The following LRRC4C variants were observed in gnomAD, a reference collection of about 807,000 sequenced individuals.
LRRC4C encodes the protein leucine-rich repeat-containing protein 4C.
In LRRC4C, 5 loss-of-function variants were observed where a neutral mutation model predicts 33.6. That is an observed-to-expected ratio of 0.15 (90% CI 0.08 to 0.31). The LOEUF is 0.31. Among genes scored for constraint, LRRC4C ranks in the 10% least tolerant of loss-of-function variants. The pLI is 1.00. For synonymous variants in LRRC4C, 329 were observed against 302.0 expected (o/e 1.09, Z -0.93); for missense variants, 560 against 796.7 (o/e 0.70, Z 3.58).
intron 1 of LRRC4C, among the ~76,000 whole-genome samples, chr11:40,978,195 G>A (rs1409143709): frequency 3.3e-5 from 5 of 151,968 alleles, no homozygotes; most frequent in South Asian, 2.1e-4. Context: ...ACAATTCACC[G>A]GCTCACATTT....
chr11:40,508,736 T>C (rs1235781932), intron 3 of LRRC4C, among the ~76,000 whole-genome samples: 1 of 152,166 alleles, frequency 6.6e-6, no homozygotes, highest in Non-Finnish European at 1.5e-5. Context: ...GATGATTGGT[T>C]CCACTGTCTT....
intron 1 of LRRC4C, among the ~76,000 whole-genome samples, chr11:41,214,652 A>T (rs1946967670): frequency 1.4e-5 from 2 of 147,000 alleles, no homozygotes; most frequent in Admixed American, 1.4e-4. Flanking sequence ...CGGCAGGCTG[A>T]GGCAGGAGAA....
At position 41,327,428 on chromosome 11, in the gene LRRC4C, C is replaced by G. The variant is rs117853828; in HGVS notation, c.-496+132003G>C. On this transcript the variant is annotated intron_variant, in intron 1 of 6. Coordinates refer to ENST00000528697, the MANE Select transcript of LRRC4C (RefSeq NM_001258419.2). ...TGATTTATTTTTGTTTTATCCTTTACCATTTGTTTTTCTTTTCATCAATGA... is the reference window on the plus strand; with the variant it reads ...TGATTTATTTTTGTTTTATCCTTTAGCATTTGTTTTTCTTTTCATCAATGA... Among the ~76,000 whole-genome samples, 333 of 152,270 alleles carry G rather than the reference C, an allele frequency of 2.2e-3. 1 individual carries two copies. The highest frequency in any genetic ancestry group is 3.9e-3 in the Non-Finnish European group (268 of 68,020).
intron 3 of LRRC4C, among the ~76,000 whole-genome samples, chr11:40,514,731 T>G (rs1310502955): frequency 6.6e-6 from 1 of 152,066 alleles, no homozygotes; most frequent in East Asian, 1.9e-4. Context: ...CTCCCCACTT[T>G]CTTCTATCTC....
chr11:40,810,332 C>T (rs562814706), intron 2 of LRRC4C, among the ~76,000 whole-genome samples: 3 of 152,160 alleles, frequency 2.0e-5, no homozygotes, highest in Non-Finnish European at 4.4e-5. Context: ...TCTCAGTTGC[C>T]TTGGTTATCT....
At chr11:40,271,507 AT>A (rs1485250689) in intron 4 of LRRC4C, among the ~76,000 whole-genome samples, 1 of 152,222 alleles carries the variant, frequency 6.6e-6, no homozygotes, top group Non-Finnish European at 1.5e-5. Context: ...AGCATACCAC[AT>A]AGCAGACATT....
At chr11:41,147,080 T>C (rs899805909) in intron 1 of LRRC4C, among the ~76,000 whole-genome samples, 1 of 152,210 alleles carries the variant, frequency 6.6e-6, no homozygotes, top group Non-Finnish European at 1.5e-5. Flanking sequence ...TTTTAGAAAG[T>C]AGTGAGTATT....
At chr11:40,631,542 A>G (rs1963480308) in intron 3 of LRRC4C, among the ~76,000 whole-genome samples, 1 of 152,106 alleles carries the variant, frequency 6.6e-6, no homozygotes, top group Middle Eastern at 3.2e-3. Context: ...TCTTTACCCC[A>G]ATACTTCATC....
At chr11:40,519,406 A>G (rs561018478) in intron 3 of LRRC4C, among the ~76,000 whole-genome samples, 42 of 152,308 alleles carry the variant, frequency 2.8e-4, no homozygotes, top group African/African-American at 9.9e-4. Flanking sequence ...ATAAGTTTAA[A>G]TAAACTTTAC....
chr11:40,698,814 C>CA (rs1235824284), intron 2 of LRRC4C, among the ~76,000 whole-genome samples: 1 of 152,028 alleles, frequency 6.6e-6, no homozygotes, highest in East Asian at 1.9e-4. Context: ...AAATGAGAAT[C>CA]AAGTGAAAGG....
intron 1 of LRRC4C, among the ~76,000 whole-genome samples, chr11:41,297,777 C>T (rs924981434): frequency 6.6e-6 from 1 of 152,030 alleles, no homozygotes; most frequent in African/African-American, 2.4e-5. Flanking sequence ...TGTTAAGGAT[C>T]CTTTTCAATA....
At chr11:40,705,737 G>A (rs1469510362) in intron 2 of LRRC4C, among the ~76,000 whole-genome samples, 3 of 152,004 alleles carry the variant, frequency 2.0e-5, no homozygotes, top group Non-Finnish European at 2.9e-5. Flanking sequence ...TGGGATCACT[G>A]GACAAATGGT....
intron 5 of LRRC4C, among the ~76,000 whole-genome samples, chr11:40,187,789 T>A (rs1270222904): frequency 6.6e-6 from 1 of 152,096 alleles, no homozygotes; most frequent in Admixed American, 6.6e-5. Context: ...GATGAGGAGC[T>A]TTTACAATCA....
intron 2 of LRRC4C, among the ~76,000 whole-genome samples, chr11:40,902,059 G>A (rs1956234421): frequency 6.8e-6 from 1 of 147,584 alleles, no homozygotes; most frequent in Non-Finnish European, 1.5e-5. Context: ...TCTTTTTGTT[G>A]AGCTTTGCTT....
intron 2 of LRRC4C, among the ~76,000 whole-genome samples, chr11:40,736,028 T>C (rs905138235): frequency 1.3e-5 from 2 of 152,128 alleles, no homozygotes; most frequent in Non-Finnish European, 2.9e-5. Context: ...TAAATTTGTT[T>C]GAGTTCATAC....
At chr11:40,748,151 C>T (rs572266964) in intron 2 of LRRC4C, among the ~76,000 whole-genome samples, 51 of 152,114 alleles carry the variant, frequency 3.4e-4, no homozygotes, top group African/African-American at 1.2e-3. Context: ...TTTTTAAAAA[C>T]CACAAGAGAA....
At chr11:40,538,423 GTT>G (rs1177817096) in intron 3 of LRRC4C, among the ~76,000 whole-genome samples, 1 of 152,072 alleles carries the variant, frequency 6.6e-6, no homozygotes. Context: ...GAGAATGATG[GTT>G]TCCAGCTTCA....
chr11:40,381,621 T>A (rs954810268), intron 3 of LRRC4C, among the ~76,000 whole-genome samples: 2 of 152,124 alleles, frequency 1.3e-5, no homozygotes, highest in Non-Finnish European at 2.9e-5. Context: ...CACAGAAATA[T>A]GCTGTATACG....
At chr11:41,246,543 C>T (rs567813205) in intron 1 of LRRC4C, among the ~76,000 whole-genome samples, 5 of 152,250 alleles carry the variant, frequency 3.3e-5, no homozygotes, top group South Asian at 2.1e-4. Context: ...AACTTGGAAG[C>T]GGGCGGGGCT....
Sources: allele counts gnomAD v4.1 joint callset (sites outside exome capture counted in the v4.1 genomes callset), GRCh38; gene constraint gnomAD v4.1.1; transcripts MANE v1.5; gene names NCBI Gene and HGNC (gene_info 2026-07-23, HGNC 2026-07-21).